CNNM2: variants seen among roughly 807,000 people sequenced by gnomAD.
CNNM2 encodes metal transporter CNNM2.
CNNM2 carries 12 observed loss-of-function variants against 66.9 expected under a neutral mutation model. The ratio of observed to expected loss-of-function variants is 0.18; its 90% CI spans 0.11 to 0.29. The LOEUF is 0.29. Ranked by LOEUF, CNNM2 falls within the 10% of genes least tolerant of loss-of-function variation. The pLI is 1.00. For missense variants in CNNM2, 705 were observed against 1,167.7 expected (o/e 0.60, Z 5.77); for synonymous variants, 557 against 501.8 (o/e 1.11, Z -1.47).
intron 1 of CNNM2, among the ~76,000 whole-genome samples, chr10:102,958,408 C>G (rs1049519952): frequency 1.4e-5 from 2 of 146,570 alleles, no homozygotes; most frequent in East Asian, 4.1e-4. Flanking sequence ...ATCCTCTTTT[C>G]CAATATAAAC....
chr10:103,035,558 C>G (rs2064921220), intron 1 of CNNM2, among the ~76,000 whole-genome samples: 1 of 152,200 alleles, frequency 6.6e-6, no homozygotes, highest in Non-Finnish European at 1.5e-5. Flanking sequence ...TCTTCAGTCT[C>G]TGTTCTGTTG....
At chr10:103,035,700 G>A (rs772466473) in intron 1 of CNNM2, among the ~76,000 whole-genome samples, 4 of 152,138 alleles carry the variant, frequency 2.6e-5, no homozygotes, top group Admixed American at 6.5e-5. Flanking sequence ...AAGAACAAGC[G>A]AAAGAGAAAA....
intron 1 of CNNM2, among the ~76,000 whole-genome samples, chr10:103,001,368 G>A (rs1272432935): frequency 2.6e-5 from 4 of 151,996 alleles, no homozygotes; most frequent in African/African-American, 9.7e-5. Context: ...AAAATTGGGG[G>A]AAAAAATCTT....
intron 1 of CNNM2, among the ~76,000 whole-genome samples, chr10:103,004,813 T>C (rs1255191088): frequency 6.6e-6 from 1 of 152,222 alleles, no homozygotes; most frequent in East Asian, 1.9e-4. Context: ...TTCTTGGACC[T>C]TTTGTGTTTT....
chr10:102,975,808 T>C (rs2063619634), intron 1 of CNNM2, among the ~76,000 whole-genome samples: 1 of 152,184 alleles, frequency 6.6e-6, no homozygotes, highest in South Asian at 2.1e-4. Context: ...AACAGAAGCA[T>C]AGCCAATTAA....
intron 1 of CNNM2, among the ~76,000 whole-genome samples, chr10:102,946,602 A>G (rs1347529485): frequency 6.6e-6 from 1 of 151,868 alleles, no homozygotes; most frequent in Admixed American, 6.6e-5. Context: ...TGCTTGTGCA[A>G]CTCCTTTGAG....
Position 103,085,372 on chromosome 10 carries a change from G to A in CNNM2, c.*8192G>A, listed in dbSNP as rs553811787. 6.6e-6 allele frequency: 1 copy of A among 152,364 alleles called. No individual in the cohort carries two copies. Among genetic ancestry groups the A allele is most frequent in the Admixed American group, 6.5e-5 (1 of 15,312 alleles). 9.4% of individuals were successfully genotyped at this position (152,364 alleles called of 1,614,324 possible). A position where few individuals can be genotyped will look rare whatever the true frequency, so the allele number is the denominator to read the frequency against. On this transcript the variant is annotated 3_prime_UTR_variant, in exon 8 of 8. Transcript: ENST00000369878. ...CACTCTCTCAAAGACTGGACACTGAGTAAACATTTTTCAGTGTGGGGAAGG... is the reference window on the plus strand; with the variant it reads ...CACTCTCTCAAAGACTGGACACTGAATAAACATTTTTCAGTGTGGGGAAGG...
intron 1 of CNNM2, among the ~76,000 whole-genome samples, chr10:103,030,257 G>A (rs1489854563): frequency 6.6e-6 from 1 of 152,168 alleles, no homozygotes; most frequent in Non-Finnish European, 1.5e-5. Flanking sequence ...GGAAGTTATG[G>A]AAGAATTTTA....
intron 4 of CNNM2, among the ~76,000 whole-genome samples, chr10:103,065,175 G>GA (rs1222875128): frequency 6.6e-6 from 1 of 152,208 alleles, no homozygotes; most frequent in African/African-American, 2.4e-5. Flanking sequence ...CACTGCCTTT[G>GA]AGGGAGTCCC....
intron 1 of CNNM2, among the ~76,000 whole-genome samples, chr10:102,978,155 C>T (rs1049945692): frequency 3.3e-5 from 5 of 151,532 alleles, no homozygotes; most frequent in African/African-American, 4.8e-5. Context: ...GTGATCCACC[C>T]GCCTCGGCCT....
rs1473504933 is a variant in CNNM2, at chr10:103,078,754, C to G, written c.*1574C>G. On this transcript the variant is annotated 3_prime_UTR_variant, in exon 8 of 8. Coordinates refer to ENST00000369878, the MANE Select transcript of CNNM2 (RefSeq NM_017649.5). ...GCGTTTTCTGTTTAGGCTCACTGCG[C>G]AAAGGGAGGCCTTGGCTAAGTGGCA... 1.3e-5 allele frequency: 2 copies of G among 152,336 alleles called. No homozygotes were observed. The highest frequency in any genetic ancestry group is 2.9e-5 in the Non-Finnish European group (2 of 68,132). 9.4% of individuals were successfully genotyped at this position (152,336 alleles called of 1,614,324 possible).
chr10:102,975,961 C>T (rs1415714526), intron 1 of CNNM2, among the ~76,000 whole-genome samples: 1 of 152,194 alleles, frequency 6.6e-6, no homozygotes, highest in African/African-American at 2.4e-5. Context: ...CTACGGCTTG[C>T]TTTCAGTCTT....
chr10:103,064,536 GTT>G (rs1378770621), intron 4 of CNNM2, among the ~76,000 whole-genome samples: 1 of 150,154 alleles, frequency 6.7e-6, no homozygotes. Context: ...CAATAGTTGT[GTT>G]TTTTAAAATA....
chr10:102,998,581 C>T (rs184013320), intron 1 of CNNM2, among the ~76,000 whole-genome samples: 2 of 152,174 alleles, frequency 1.3e-5, no homozygotes, highest in East Asian at 3.9e-4. Context: ...TATAGCCCTT[C>T]GAAGGGATAA....
At chr10:102,991,562 T>A (rs766167737) in intron 1 of CNNM2, among the ~76,000 whole-genome samples, 7 of 152,186 alleles carry the variant, frequency 4.6e-5, no homozygotes, top group Non-Finnish European at 1.0e-4. Flanking sequence ...CTATCAGAAT[T>A]TTGATTCTTT....
intron 1 of CNNM2, among the ~76,000 whole-genome samples, chr10:102,951,305 T>G (rs1282387049): frequency 6.6e-6 from 1 of 152,098 alleles, no homozygotes; most frequent in Non-Finnish European, 1.5e-5. Flanking sequence ...CAAGTGATCC[T>G]CCTGCCTCAG....
At chr10:103,000,242 C>CAAATAAAT (rs139250349) in intron 1 of CNNM2, among the ~76,000 whole-genome samples, 260 of 146,302 alleles carry the variant, frequency 1.8e-3, no homozygotes, top group East Asian at 6.0e-3. Flanking sequence ...GTCTCAAAAA[C>CAAATAAAT]AAATAAATAA....
intron 1 of CNNM2, among the ~76,000 whole-genome samples, chr10:102,994,425 T>G (rs2063951358): frequency 6.6e-6 from 1 of 152,248 alleles, no homozygotes; most frequent in Non-Finnish European, 1.5e-5. Context: ...ATCTACCATA[T>G]GTTTAGTACT....
intron 4 of CNNM2, among the ~76,000 whole-genome samples, chr10:103,065,953 C>T (rs749435687): frequency 6.6e-6 from 1 of 152,112 alleles, no homozygotes; most frequent in Non-Finnish European, 1.5e-5. Context: ...CAACAGCCTT[C>T]CCATGGCCCC....
Sources: gnomAD v4.1 joint callset for allele counts (sites outside exome capture counted in the v4.1 genomes callset) on GRCh38, gnomAD v4.1.1 for gene constraint, MANE v1.5 for transcripts, NCBI Gene and HGNC (gene_info 2026-07-23, HGNC 2026-07-21) for gene names.